Variants in NDUFS4 observed in about 807,000 individuals in gnomAD.
NDUFS4 encodes NADH dehydrogenase [ubiquinone] iron-sulfur protein 4, mitochondrial.
A neutral mutation model predicts 24.3 loss-of-function variants in NDUFS4; 28 were observed. The observed-to-expected ratio is 1.15, with a 90% CI of 0.85 to 1.58. The LOEUF (loss-of-function observed/expected upper bound fraction) is 1.58. NDUFS4 is among the 40% of genes most tolerant of loss of function. The pLI is 0.00. For missense variants in NDUFS4, 223 were observed against 207.9 expected, an observed-to-expected ratio of 1.07 and a Z score of -0.45; for synonymous variants, 93 against 69.7, an observed-to-expected ratio of 1.34 and a Z score of -1.67.
intron 1 of NDUFS4, among the ~76,000 whole-genome samples, chr5:53,570,247 A>C (rs1037127863): frequency 6.6e-6 from 1 of 152,134 alleles, no homozygotes; most frequent in African/African-American, 2.4e-5. Flanking sequence ...ATAGTTTTAC[A>C]GTTTTGAGAC....
chr5:53,679,095 G>C (rs1740569379), intron 4 of NDUFS4, among the ~76,000 whole-genome samples: 1 of 152,168 alleles, frequency 6.6e-6, no homozygotes, highest in Non-Finnish European at 1.5e-5. Flanking sequence ...AAAATCCAAA[G>C]AGAGATGTAT....
chr5:53,655,160 A>G (rs1290213169), intron 3 of NDUFS4, among the ~76,000 whole-genome samples: 1 of 152,198 alleles, frequency 6.6e-6, no homozygotes, highest in Non-Finnish European at 1.5e-5. Flanking sequence ...ATTGAAATAT[A>G]CATTAAGAAA....
At chr5:53,679,561 G>A (rs951793827) in intron 4 of NDUFS4, among the ~76,000 whole-genome samples, 3 of 152,064 alleles carry the variant, frequency 2.0e-5, no homozygotes, top group African/African-American at 7.2e-5. Context: ...CAGTGACCCT[G>A]ACCACATTTT....
At chr5:53,644,802 A>G (rs1191180325) in intron 2 of NDUFS4, among the ~76,000 whole-genome samples, 2 of 152,142 alleles carry the variant, frequency 1.3e-5, no homozygotes, top group Non-Finnish European at 2.9e-5. Flanking sequence ...AGCTGTGACA[A>G]AGTAGCCACA....
At chr5:53,564,695 C>T (rs1334693390) in intron 1 of NDUFS4, among the ~76,000 whole-genome samples, 4 of 152,110 alleles carry the variant, frequency 2.6e-5, no homozygotes, top group Non-Finnish European at 5.9e-5. Flanking sequence ...GTGCTTGCCA[C>T]CACGCCCAGC....
At chr5:53,566,895 C>T (rs1227991589) in intron 1 of NDUFS4, among the ~76,000 whole-genome samples, 1 of 146,742 alleles carries the variant, frequency 6.8e-6, no homozygotes, top group Admixed American at 6.9e-5. Context: ...GTTGCCCAGG[C>T]TGAAATGCAG....
chr5:53,683,193 A>C lies in NDUFS4; in HGVS notation c.500A>C (p.Asn167Thr). Residue 167 changes from asparagine (N) to threonine (T), a missense_variant, in exon 5 of 5, where the codon AAC becomes ACC. Coordinates refer to ENST00000296684, the MANE Select transcript of NDUFS4 (RefSeq NM_002495.4). ...SKSYGANFSW[N>T]KRTRVSTK The stretch of plus-strand genomic sequence containing the variant: ...TCTTATGGTGCAAACTTTTCTTGGA[A>C]CAAAAGAACAAGAGTATCCACAAAA... 6.2e-7 allele frequency: 1 copy of C among 1,611,116 alleles called. No individual in the cohort carries two copies. The highest frequency in any genetic ancestry group is 8.5e-7 in the Non-Finnish European group (1 of 1,177,634).
At chr5:53,677,124 A>G (rs1740501045) in intron 4 of NDUFS4, among the ~76,000 whole-genome samples, 1 of 152,224 alleles carries the variant, frequency 6.6e-6, no homozygotes, top group Admixed American at 6.5e-5. Flanking sequence ...TTGGAACACA[A>G]AAGCTGGAGT....
rs138447644 is a variant in NDUFS4 at position 53,566,953 on chromosome 5, A to G, written c.98+6193A>G. Among the ~76,000 whole-genome samples, 1,258 of 151,632 alleles carry G rather than the reference A, an allele frequency of 8.3e-3. 19 individuals are homozygous for G. Among genetic ancestry groups the G allele is most frequent in the African/African-American group, 0.028 (1,174 of 41,248 alleles). Reference sequence around the variant, plus strand: ...GAACTCTGCCTCCCAGGTTCAAGCAATTCTCCTGCCTCAGCCTCCCGAGTA... The same window carrying G: ...GAACTCTGCCTCCCAGGTTCAAGCAGTTCTCCTGCCTCAGCCTCCCGAGTA... On this transcript the variant is annotated intron_variant, in intron 1 of 4. Transcript: ENST00000296684.
chr5:53,643,078 A>G (rs781533040), intron 2 of NDUFS4, among the ~76,000 whole-genome samples: 13 of 152,310 alleles, frequency 8.5e-5, no homozygotes, highest in Admixed American at 2.0e-4. Flanking sequence ...TTAAAATTCA[A>G]TAAATCTGTG....
intron 4 of NDUFS4, 174 bp downstream of exon 4, chr5:53,658,798 A>C: frequency 1.7e-6 from 1 of 589,674 alleles, no homozygotes; most frequent in Non-Finnish European, 3.0e-6. Context: ...AAAAAAAAAA[A>C]AAAAAACCTA....
intron 1 of NDUFS4, among the ~76,000 whole-genome samples, chr5:53,573,123 C>T (rs1279492378): frequency 6.6e-6 from 1 of 151,640 alleles, no homozygotes; most frequent in Non-Finnish European, 1.5e-5. Flanking sequence ...AGGTGCATAC[C>T]ACCATGCCTC....
chr5:53,658,899 A>G lies in NDUFS4; in HGVS notation c.424+275A>G. Reference sequence around the variant, plus strand: ...AAACTACTTAACGCCTACCTTGTGTATGAATTCCTCTGTAAAATTACTAAC... The same window carrying G: ...AAACTACTTAACGCCTACCTTGTGTGTGAATTCCTCTGTAAAATTACTAAC... On this transcript the variant is annotated intron_variant, in intron 4 of 4. Transcript: ENST00000296684. The G allele has an allele frequency of 8.7e-6, 3 of 343,980 alleles. No homozygotes were observed. The South Asian group carries it at 1.5e-4, about 17-fold the overall frequency. 21.3% of individuals were successfully genotyped at this position (343,980 alleles called of 1,614,324 possible).
chr5:53,633,241 C>T (rs905227707), intron 2 of NDUFS4, among the ~76,000 whole-genome samples: 2 of 152,112 alleles, frequency 1.3e-5, no homozygotes, highest in Non-Finnish European at 2.9e-5. Context: ...TGATAGTGTT[C>T]AAGACATGGA....
At chr5:53,584,353 A>G (rs1353357819) in intron 1 of NDUFS4, among the ~76,000 whole-genome samples, 1 of 152,066 alleles carries the variant, frequency 6.6e-6, no homozygotes, top group Non-Finnish European at 1.5e-5. Flanking sequence ...ACGGAGTTCA[A>G]CTGAGCTTCT....
chr5:53,562,748 T>G (rs1748888636), intron 1 of NDUFS4, among the ~76,000 whole-genome samples: 1 of 152,218 alleles, frequency 6.6e-6, no homozygotes, highest in Admixed American at 6.5e-5. Context: ...CTTTTTCCAT[T>G]ATGATTTGAT....
At chr5:53,675,264 G>A (rs899954630) in intron 4 of NDUFS4, among the ~76,000 whole-genome samples, 2 of 144,390 alleles carry the variant, frequency 1.4e-5, no homozygotes, top group African/African-American at 5.1e-5. Context: ...CCGGGTTCAT[G>A]CCATTCTCCA....
intron 1 of NDUFS4, among the ~76,000 whole-genome samples, chr5:53,578,618 A>C (rs1749461534): frequency 6.6e-6 from 1 of 152,196 alleles, no homozygotes; most frequent in Non-Finnish European, 1.5e-5. Context: ...TAAAATGGAC[A>C]TAATACTTCC....
intron 2 of NDUFS4, among the ~76,000 whole-genome samples, chr5:53,643,478 G>A (rs1751758896): frequency 6.6e-6 from 1 of 152,114 alleles, no homozygotes; most frequent in Non-Finnish European, 1.5e-5. Context: ...ACCACACAAA[G>A]CGTTGAAGAC....
Sources: gnomAD v4.1 joint callset for allele counts (sites outside exome capture counted in the v4.1 genomes callset) on GRCh38, gnomAD v4.1.1 for gene constraint, MANE v1.5 for transcripts, NCBI Gene and HGNC (gene_info 2026-07-23, HGNC 2026-07-21) for gene names.